Variants in TMEM161B observed in about 807,000 individuals in gnomAD.
TMEM161B encodes transmembrane protein 161B.
A neutral mutation model predicts 61.8 loss-of-function variants in TMEM161B; 34 were observed. That is an observed-to-expected ratio of 0.55 (90% CI 0.42 to 0.73). The LOEUF (loss-of-function observed/expected upper bound fraction) is 0.73, where lower values mean the gene tolerates loss of function less well. Among genes scored for constraint, TMEM161B ranks in the 30% least tolerant of loss-of-function variants. The pLI is 0.00. For synonymous variants in TMEM161B, 167 were observed against 192.8 expected (o/e 0.87, Z 1.11); for missense variants, 456 against 558.5 (o/e 0.82, Z 1.85).
chr5:88,205,314 T>C lies in TMEM161B; in HGVS notation c.800+500A>G, dbSNP rs375513020. Among the ~76,000 whole-genome samples the C allele has an allele frequency of 1.2e-4, 18 of 152,220 alleles. No homozygotes were observed. The South Asian group carries it at 3.5e-3, about 30-fold the overall frequency. ...GAGTACTAACAATCCCAAAATAATG[T>C]ATTATTTTAATAAGAGTCTAATAAG... On this transcript the variant is annotated intron_variant, in intron 8 of 11. Coordinates refer to ENST00000296595, the MANE Select transcript of TMEM161B (RefSeq NM_153354.5).
intron 2 of TMEM161B, among the ~76,000 whole-genome samples, chr5:88,239,842 G>A (rs1752439556): frequency 1.3e-5 from 2 of 152,002 alleles, no homozygotes; most frequent in Non-Finnish European, 1.5e-5. Context: ...TTGTCTTGTA[G>A]AACATGAAAT....
intron 8 of TMEM161B, among the ~76,000 whole-genome samples, chr5:88,205,382 C>CTT (rs1401560107): frequency 1.3e-5 from 2 of 151,936 alleles, no homozygotes; most frequent in African/African-American, 4.8e-5. Flanking sequence ...TTACATACAA[C>CTT]TTTAAGTTTT....
In TMEM161B at chr5:88,220,171, A is replaced by G. The variant is rs574123832; in HGVS notation, c.446+392T>C. ...ACATGGTAAAAGTGACTATAAATTT[A>G]ATAAAATGTTATCTCTAACTATTTT... On this transcript the variant is annotated intron_variant, in intron 5 of 11. Transcript: ENST00000296595. Among the ~76,000 whole-genome samples the G allele has an allele frequency of 1.8e-3, 270 of 152,288 alleles. 1 individual carries two copies. Among genetic ancestry groups the G allele is most frequent in the African/African-American group, 6.1e-3 (255 of 41,596 alleles).
At chr5:88,212,212 T>C (rs1417927693) in intron 5 of TMEM161B, among the ~76,000 whole-genome samples, 1 of 152,134 alleles carries the variant, frequency 6.6e-6, no homozygotes, top group Non-Finnish European at 1.5e-5. Flanking sequence ...ACCAACCAAA[T>C]GCCAACAGAA....
At chr5:88,224,957 A>ATTT (rs1749714087) in intron 4 of TMEM161B, among the ~76,000 whole-genome samples, 2 of 128,848 alleles carry the variant, frequency 1.6e-5, no homozygotes, top group African/African-American at 2.9e-5. Context: ...CACACAAAAT[A>ATTT]TGTTTTTGTT....
At chr5:88,207,281 T>G (rs2112424940) in intron 5 of TMEM161B, 101 bp from the exon 6 acceptor site, 1 of 1,134,918 alleles carries the variant, frequency 8.8e-7, no homozygotes, top group Non-Finnish European at 1.2e-6. Context: ...ACTACAACAT[T>G]TATTTCCAAG....
chr5:88,208,033 TAAACAAAC>T (rs200902476), intron 5 of TMEM161B, among the ~76,000 whole-genome samples: 8 of 151,650 alleles, frequency 5.3e-5, no homozygotes, highest in Non-Finnish European at 8.8e-5. Context: ...TTAAAAAACT[TAAACAAAC>T]AAACAAACAA....
chr5:88,238,012 G>A (rs1391329042), intron 2 of TMEM161B, among the ~76,000 whole-genome samples: 2 of 151,996 alleles, frequency 1.3e-5, no homozygotes, highest in African/African-American at 2.4e-5. Flanking sequence ...ACCCCTTCCA[G>A]AATACCAAAA....
downstream of TMEM161B, chr5:88,190,096 T>A: frequency 1.4e-6 from 1 of 700,790 alleles, no homozygotes; most frequent in South Asian, 1.5e-5. Flanking sequence ...TCAGTTCGTG[T>A]TGGATAAGCC....
At chr5:88,216,589 G>T (rs1225022996) in intron 5 of TMEM161B, among the ~76,000 whole-genome samples, 3 of 152,166 alleles carry the variant, frequency 2.0e-5, no homozygotes, top group Non-Finnish European at 4.4e-5. Flanking sequence ...TGACTCTTAA[G>T]ACTTTGTTCT....
At chr5:88,186,977 C>T (rs1227397029), downstream of TMEM161B, among the ~76,000 whole-genome samples, 3 of 152,158 alleles carry the variant, frequency 2.0e-5, no homozygotes, top group East Asian at 5.8e-4. Flanking sequence ...AATCTCTATC[C>T]ACCACTAATT....
intron 8 of TMEM161B, among the ~76,000 whole-genome samples, chr5:88,204,731 C>A (rs1745112709): frequency 1.3e-5 from 2 of 148,514 alleles, no homozygotes. Flanking sequence ...GGGATGCAGC[C>A]AAAAGCACAC....
At chr5:88,219,875 T>G (rs1224754019) in intron 5 of TMEM161B, among the ~76,000 whole-genome samples, 1 of 151,444 alleles carries the variant, frequency 6.6e-6, no homozygotes, top group Non-Finnish European at 1.5e-5. Context: ...GAAGAGGAAA[T>G]CATGAGATCT....
At chr5:88,211,989 T>C (rs2112463405) in intron 5 of TMEM161B, among the ~76,000 whole-genome samples, 1 of 152,182 alleles carries the variant, frequency 6.6e-6, no homozygotes, top group South Asian at 2.1e-4. Flanking sequence ...AAGATCCTCA[T>C]GAGGTACATG....
chr5:88,238,298 TGA>T (rs2112639712), intron 2 of TMEM161B, among the ~76,000 whole-genome samples: 1 of 151,156 alleles, frequency 6.6e-6, no homozygotes, highest in East Asian at 2.0e-4. Flanking sequence ...AAGAGGTCAA[TGA>T]GAGACAGGAC....
chr5:88,189,174 C>T (rs915822997), downstream of TMEM161B, among the ~76,000 whole-genome samples: 6 of 152,098 alleles, frequency 3.9e-5, no homozygotes, highest in African/African-American at 1.4e-4. Context: ...TACTGGGTGG[C>T]ATTATACACA....
downstream of TMEM161B, among the ~76,000 whole-genome samples, chr5:88,186,796 A>G (rs185791324): frequency 2.0e-3 from 306 of 151,738 alleles, 1 homozygote; most frequent in Middle Eastern, 0.01. Context: ...GCCTGTACTC[A>G]GGAGGCTAAG....
intron 5 of TMEM161B, among the ~76,000 whole-genome samples, chr5:88,208,629 T>C (rs1746060699): frequency 1.3e-5 from 2 of 151,842 alleles, no homozygotes; most frequent in African/African-American, 4.8e-5. Flanking sequence ...GCAACAAGAG[T>C]GAAACTCCGT....
intron 5 of TMEM161B, among the ~76,000 whole-genome samples, chr5:88,207,448 G>A (rs537048393): frequency 5.1e-4 from 78 of 152,258 alleles, no homozygotes; most frequent in South Asian, 1.4e-3. Context: ...AGCCAGGGTA[G>A]AGGTTATTCT....
Sources: gnomAD v4.1 joint callset for allele counts (sites outside exome capture counted in the v4.1 genomes callset) on GRCh38, gnomAD v4.1.1 for gene constraint, MANE v1.5 for transcripts, NCBI Gene and HGNC (gene_info 2026-07-23, HGNC 2026-07-21) for gene names.